ARAP1: variants seen among roughly 807,000 people sequenced by gnomAD.
The protein encoded by ARAP1 is arf-GAP with Rho-GAP domain, ANK repeat and PH domain-containing protein 1.
Under a neutral mutation model 172.2 loss-of-function variants are expected in ARAP1, and 76 were observed. The observed-to-expected ratio is 0.44, with a 90% CI of 0.37 to 0.53. The LOEUF is 0.53. Ranked by LOEUF, ARAP1 falls within the 20% of genes least tolerant of loss-of-function variation. ARAP1 has a pLI of 0.00. For missense variants in ARAP1, 1,686 were observed against 1,977.5 expected (o/e 0.85, Z 2.80); for synonymous variants, 804 against 803.3 (o/e 1.00, Z -0.01).
rs371476168 is a variant in ARAP1 at position 72,726,657 on chromosome 11, C to T, written c.472G>A (p.Val158Met). The change falls in exon 3 of 35, where the codon GTG becomes ATG. Residue 158 changes from valine (V) to methionine (M), a missense_variant. Physicochemically the swap from Val to Met is conservative, Grantham distance 21. This residue lies in a region of ARAP1 where 190 missense variants were observed against 228.6 expected (regional missense o/e 0.83). Coordinates refer to ENST00000393609, the MANE Select transcript of ARAP1 (RefSeq NM_001040118.3). This position sits in a 1 kb window ranked among gnomAD's most constrained non-coding sequence, Gnocchi z 6.5. The stretch of plus-strand genomic sequence containing the variant: ...CGGGGGGGTCCGGTGCGGGGCGGCA[C>T]GGGTGGAACGCTCAGCTCTGCCAAA... ...RHLAELSVPP[V>M]PPRTGPPRLL... 117 of 1,537,346 alleles carry T rather than the reference C, an allele frequency of 7.6e-5. No homozygotes were observed. Among genetic ancestry groups the T allele is most frequent in the Non-Finnish European group, 9.7e-5 (111 of 1,140,238 alleles).
intron 3 of ARAP1, among the ~76,000 whole-genome samples, chr11:72,719,026 C>T (rs983611802): frequency 6.6e-6 from 1 of 152,158 alleles, no homozygotes; most frequent in Non-Finnish European, 1.5e-5. Flanking sequence ...AGGTAAGGCT[C>T]GTGATGATTC....
chr11:72,736,558 C>G (rs1858031770), intron 1 of ARAP1, among the ~76,000 whole-genome samples: 1 of 152,130 alleles, frequency 6.6e-6, no homozygotes, highest in South Asian at 2.1e-4. Context: ...AGGCAGGGAC[C>G]TGGCAGAAGG....
rs1856978154 is a variant in ARAP1 at position 72,710,769 on chromosome 11, G to A, written c.1214-182C>T. Among the ~76,000 whole-genome samples, 1 of 152,192 alleles carries A rather than the reference G, an allele frequency of 6.6e-6. No individual in the cohort carries two copies. The highest frequency in any genetic ancestry group is 1.5e-5 in the Non-Finnish European group (1 of 68,036). Reference sequence around the variant, plus strand: ...CAATCCCAGCTATGCCACTGATGCTGGGCAAGTGACCTCACCCCTCCAAGC... The same window carrying A: ...CAATCCCAGCTATGCCACTGATGCTAGGCAAGTGACCTCACCCCTCCAAGC... On this transcript the variant is annotated intron_variant, in intron 9 of 34. Transcript: ENST00000393609. The surrounding 1 kb of genome is among the most constrained non-coding windows in gnomAD (Gnocchi z 4.3).
intron 1 of ARAP1, among the ~76,000 whole-genome samples, chr11:72,735,015 C>G (rs1468105561): frequency 6.6e-6 from 1 of 152,052 alleles, no homozygotes; most frequent in Non-Finnish European, 1.5e-5. Flanking sequence ...GGGTCTCGCT[C>G]TGTCACCCAG....
intron 27 of ARAP1, among the ~76,000 whole-genome samples, chr11:72,694,142 T>C (rs1222835019): frequency 1.9e-5 from 2 of 103,326 alleles, no homozygotes; most frequent in Non-Finnish European, 3.8e-5. Context: ...CCCTCCTCCC[T>C]CTCCCAATCC....
chr11:72,701,829 AG>A, intron 15 of ARAP1, 46 bp from the exon 16 acceptor site: 1 of 1,602,322 alleles, frequency 6.2e-7, no homozygotes. Context: ...GCCACCCAAG[AG>A]GGTGTCCCCA....
At chr11:72,734,029 T>C (rs992471528) in intron 1 of ARAP1, among the ~76,000 whole-genome samples, 9 of 152,192 alleles carry the variant, frequency 5.9e-5, no homozygotes, top group African/African-American at 1.7e-4. Flanking sequence ...TTTTGCCATG[T>C]TGGCCAGGCT....
At chr11:72,707,134 C>A in intron 12 of ARAP1, 41 bp downstream of exon 12, 1 of 1,505,992 alleles carries the variant, frequency 6.6e-7, no homozygotes, top group South Asian at 1.3e-5. Context: ...TGGCCAACCC[C>A]GCCATGCCTC....
At chr11:72,734,299 T>C (rs550349571) in intron 1 of ARAP1, among the ~76,000 whole-genome samples, 20 of 152,202 alleles carry the variant, frequency 1.3e-4, no homozygotes, top group African/African-American at 4.8e-4. Context: ...TTTGTTATTT[T>C]TTGTAAAGAC....
intron 1 of ARAP1, among the ~76,000 whole-genome samples, chr11:72,743,651 C>T (rs756658274): frequency 2.6e-5 from 4 of 152,134 alleles, no homozygotes; most frequent in Non-Finnish European, 4.4e-5. Flanking sequence ...TGAGGCTCCC[C>T]GGCACCCTCC....
rs1416394116 is a variant in ARAP1, at chr11:72,697,914, G to A, written c.2734C>T (p.Leu912Phe). 6.3e-7 allele frequency: 1 copy of A among 1,598,858 alleles called. No homozygotes were observed. The highest frequency in any genetic ancestry group is 1.1e-5 in the South Asian group (1 of 89,546). Residue 912 changes from leucine (L) to phenylalanine (F), a missense_variant, in exon 19 of 35, where the codon CTT (leucine) becomes TTT (phenylalanine). Leu to Phe is a conservative substitution (Grantham distance 22, BLOSUM62 0). Transcript: ENST00000393609. ...GGCCCAGGTCTGGTCCACGCACAAA[G>A]CTCCTGCAGTTTCCGTAGTTGCAGC... The part of the protein sequence containing the change: ...EPLQLRKLQE[L>F]SIQGDSENQV...
intron 1 of ARAP1, among the ~76,000 whole-genome samples, chr11:72,747,999 A>G (rs867145203): frequency 1.3e-5 from 2 of 152,206 alleles, no homozygotes; most frequent in Non-Finnish European, 2.9e-5. Flanking sequence ...ACTGTGAAGC[A>G]ATGGAAATGT....
At position 72,699,858 on chromosome 11, in the gene ARAP1, T is replaced by G. The variant is rs976451307; in HGVS notation, c.2303-306A>C. 6.6e-6 allele frequency among the ~76,000 whole-genome samples: 1 copy of G among 152,132 alleles called. No homozygotes were observed. Among genetic ancestry groups the G allele is most frequent in the Admixed American group, 6.5e-5 (1 of 15,278 alleles). On this transcript the variant is annotated intron_variant, in intron 16 of 34. Coordinates refer to ENST00000393609, the MANE Select transcript of ARAP1 (RefSeq NM_001040118.3). The surrounding 1 kb of genome is among the most constrained non-coding windows in gnomAD (Gnocchi z 4.2). The stretch of plus-strand genomic sequence containing the variant: ...AGGACAGACTCTGTGCCCCTCAGCC[T>G]GCCATTCAAGGCCCTGCCAGGTCTA...
At chr11:72,732,286 C>A (rs189141900) in intron 2 of ARAP1, among the ~76,000 whole-genome samples, 16 of 152,304 alleles carry the variant, frequency 1.1e-4, no homozygotes, top group Admixed American at 2.6e-4. Flanking sequence ...CCTGCTGGCC[C>A]CTGCCTTGTC....
intron 1 of ARAP1, among the ~76,000 whole-genome samples, chr11:72,736,734 C>T (rs897322993): frequency 1.3e-5 from 2 of 152,172 alleles, no homozygotes; most frequent in Non-Finnish European, 2.9e-5. Flanking sequence ...GTCCCACCCC[C>T]ACTCAAAGCC....
intron 30 of ARAP1, among the ~76,000 whole-genome samples, chr11:72,690,334 G>A (rs1018499735): frequency 5.3e-5 from 8 of 152,284 alleles, no homozygotes; most frequent in South Asian, 2.1e-4. Context: ...CATGACATGT[G>A]TGTGATGTAA....
At position 72,714,249 on chromosome 11, in the gene ARAP1, G is replaced by A. The variant is rs372808435; in HGVS notation, c.582C>T (p.Pro194=). ...GAGGCCCCTGGGGGAGGGTGGACAG[G>A]GGCTCCTCAGACTGTGGCTGGGGAG... is the stretch of plus-strand genomic sequence containing the variant. ...SSPPQPQSEE[P]LSTLPQGPPQ... Residue 194 remains proline, a synonymous_variant, in exon 4 of 35, where the codon CCC becomes CCT. Coordinates refer to ENST00000393609, the MANE Select transcript of ARAP1 (RefSeq NM_001040118.3). The A allele has an allele frequency of 3.3e-6, 5 of 1,533,902 alleles. No individual in the cohort carries two copies. The African/African-American group carries it at 4.2e-5, about 13-fold the overall frequency.
intron 32 of ARAP1, 74 bp from the exon 33 acceptor site, chr11:72,687,576 G>C: frequency 6.2e-7 from 1 of 1,612,822 alleles, no homozygotes; most frequent in Non-Finnish European, 8.5e-7. Context: ...TGCCTTCCCA[G>C]CCCAGGGTCT....
intron 1 of ARAP1, among the ~76,000 whole-genome samples, chr11:72,742,120 C>T (rs1276637948): frequency 6.6e-6 from 1 of 152,128 alleles, no homozygotes; most frequent in Non-Finnish European, 1.5e-5. Context: ...GGACCAGCCC[C>T]ACAGGCTTTG....
Sources: gnomAD v4.1 joint callset for allele counts (sites outside exome capture counted in the v4.1 genomes callset) on GRCh38, gnomAD v4.1.1 for gene constraint, gnomAD v4.1.1 regional missense constraint, Gnocchi (gnomAD v3.1) non-coding constraint, MANE v1.5 for transcripts, NCBI Gene and HGNC (gene_info 2026-07-23, HGNC 2026-07-21) for gene names.